Variants in HMGCLL1 observed in about 807,000 individuals in gnomAD.
The protein encoded by HMGCLL1 is 3-hydroxymethyl-3-methylglutaryl-CoA lyase, cytoplasmic.
HMGCLL1 carries 36 observed loss-of-function variants against 39.1 expected under a neutral mutation model. That is an observed-to-expected ratio of 0.92 (90% confidence interval 0.71 to 1.22). HMGCLL1 has a LOEUF of 1.22. Ranked by LOEUF, HMGCLL1 falls within the 50% of genes most tolerant of loss-of-function variation. The pLI is 0.00. For missense variants in HMGCLL1, 451 were observed against 416.5 expected (o/e 1.08, Z -0.72); for synonymous variants, 149 against 144.0 (o/e 1.03, Z -0.25).
rs539146684 is a variant in HMGCLL1, at chr6:55,485,738, T to C, written c.795+9681A>G. On this transcript the variant is annotated intron_variant, in intron 7 of 8. Transcript: ENST00000274901. ...AAACAAATGCAAATAGAAATTAAAATGGCATATCAAATGCAAATCGAGTTG... is the reference window on the plus strand; with the variant it reads ...AAACAAATGCAAATAGAAATTAAAACGGCATATCAAATGCAAATCGAGTTG... Among the ~76,000 whole-genome samples the C allele has an allele frequency of 2.2e-4, 33 of 152,022 alleles. 1 individual carries two copies. The highest frequency in any genetic ancestry group is 7.2e-4 in the African/African-American group (30 of 41,522).
At chr6:55,502,190 T>C (rs546940752) in intron 5 of HMGCLL1, among the ~76,000 whole-genome samples, 71 of 151,926 alleles carry the variant, frequency 4.7e-4, no homozygotes, top group African/African-American at 1.5e-3. Flanking sequence ...TTGACAGTTA[T>C]CTTGGCATAT....
At chr6:55,594,703 G>T in the HMGCLL1 span, among the ~76,000 whole-genome samples, 1 of 152,180 alleles carries the variant, frequency 6.6e-6, no homozygotes, top group Non-Finnish European at 1.5e-5. Context: ...GTATTGGGTA[G>T]TGGTGGTGGG....
upstream of HMGCLL1, among the ~76,000 whole-genome samples, chr6:55,580,436 G>C (rs1259995458): frequency 4.3e-5 from 2 of 45,994 alleles, no homozygotes; most frequent in Non-Finnish European, 9.9e-5. Context: ...TTTTTTTTGA[G>C]ACGGAGTCTC....
At chr6:55,475,726 C>A (rs1006006529) in intron 7 of HMGCLL1, among the ~76,000 whole-genome samples, 8 of 151,554 alleles carry the variant, frequency 5.3e-5, no homozygotes, top group Admixed American at 2.0e-4. Context: ...TCTCTCTAGG[C>A]AAAATATTAC....
rs561895118 is a variant in HMGCLL1 at position 55,464,676 on chromosome 6, A to G, written c.796-25117T>C. ...AATTCCTACCAGTTTAAGAGATTTGACACTCAGAGCCCAGGCCTTCCCCTA... is the reference window on the plus strand; with the variant it reads ...AATTCCTACCAGTTTAAGAGATTTGGCACTCAGAGCCCAGGCCTTCCCCTA... On this transcript the variant is annotated intron_variant, in intron 7 of 8. Transcript: ENST00000274901. Among the ~76,000 whole-genome samples, 12 of 152,242 alleles carry G rather than the reference A, an allele frequency of 7.9e-5. No homozygotes were observed. In the East Asian group the frequency reaches 2.3e-3, roughly 29 times the overall value.
chr6:55,557,117 T>A (rs1770716611), intron 1 of HMGCLL1, among the ~76,000 whole-genome samples: 1 of 152,186 alleles, frequency 6.6e-6, no homozygotes, highest in Non-Finnish European at 1.5e-5. Context: ...TATTTTGCTC[T>A]CTCCATTTTA....
At chr6:55,623,292 G>T in the HMGCLL1 span, among the ~76,000 whole-genome samples, 60 of 151,096 alleles carry the variant, frequency 4.0e-4, no homozygotes, top group African/African-American at 1.4e-3. Flanking sequence ...TCTAATTTGG[G>T]GTTTGATTTG....
At position 55,461,286 on chromosome 6, in the gene HMGCLL1, C is replaced by T. The variant is rs1489943842; in HGVS notation, c.796-21727G>A. Among the ~76,000 whole-genome samples the T allele has an allele frequency of 3.9e-5, 6 of 151,914 alleles. No homozygotes were observed. In the South Asian group the frequency reaches 1.0e-3, roughly 26 times the overall value. ...GAAATATGTGGAACCCATTCCTTAG[C>T]TTTCTGAAATCTCCAACTGGGAGAA... On this transcript the variant is annotated intron_variant, in intron 7 of 8. Coordinates refer to ENST00000274901, the MANE Select transcript of HMGCLL1 (RefSeq NM_001042406.2).
intron 7 of HMGCLL1, among the ~76,000 whole-genome samples, chr6:55,469,102 A>C (rs1764916861): frequency 6.6e-6 from 1 of 151,590 alleles, no homozygotes; most frequent in African/African-American, 2.4e-5. Context: ...AAATTAGAAC[A>C]AATATTAATG....
At chr6:55,591,535 A>T in the HMGCLL1 span, among the ~76,000 whole-genome samples, 1 of 151,976 alleles carries the variant, frequency 6.6e-6, no homozygotes, top group East Asian at 1.9e-4. Flanking sequence ...ATAGGAATTA[A>T]GATTTTTGAG....
chr6:55,483,310 G>A (rs1338325075), intron 7 of HMGCLL1, among the ~76,000 whole-genome samples: 1 of 152,132 alleles, frequency 6.6e-6, no homozygotes, highest in Non-Finnish European at 1.5e-5. Context: ...TCTGTCATCA[G>A]GCTGGAGTGC....
chr6:55,508,989 C>G (rs9475332), intron 5 of HMGCLL1, among the ~76,000 whole-genome samples: 21,700 of 151,788 alleles, frequency 0.14, 1,799 homozygotes, highest in African/African-American at 0.24. Context: ...TTAGACACAA[C>G]TGCACAAACC....
the HMGCLL1 span, among the ~76,000 whole-genome samples, chr6:55,594,430 A>C: frequency 1.3e-5 from 2 of 152,140 alleles, no homozygotes; most frequent in Admixed American, 1.3e-4. Flanking sequence ...AAATGAGCCA[A>C]GGTGAGTTAA....
the HMGCLL1 span, among the ~76,000 whole-genome samples, chr6:55,638,407 C>CAAAAAAAAAAAAAAAAAGAA: frequency 7.5e-6 from 1 of 132,772 alleles, no homozygotes; most frequent in African/African-American, 2.8e-5. Context: ...AACTCAGTCT[C>CAAAAAAAAAAAAAAAAAGAA]AAAAAAAAAA....
rs758293303 is a variant in HMGCLL1, at chr6:55,439,535, C to G, written c.820G>C (p.Ala274Pro). The G allele has an allele frequency of 6.2e-7, 1 of 1,612,636 alleles. No homozygotes were observed. Among genetic ancestry groups the G allele is most frequent in the African/African-American group, 1.3e-5 (1 of 74,854 alleles). The change falls in exon 8 of 9, where the codon GCA becomes CCA. Residue 274 changes from alanine to proline, a missense_variant. Ala to Pro is a conservative substitution (Grantham distance 27, BLOSUM62 -1). Coordinates refer to ENST00000274901, the MANE Select transcript of HMGCLL1 (RefSeq NM_001042406.2). Reference protein sequence around the residue: ...LQMGINVVDSAVSGLGGCPYA... With the variant: ...LQMGINVVDSPVSGLGGCPYA... ...GGGCAGCCACCTAATCCGGATACTG[C>G]GGAGTCCACCACATTAATTCCCATC... is the stretch of plus-strand genomic sequence containing the variant.
intron 1 of HMGCLL1, 83 bp downstream of exon 1, chr6:55,578,864 GA>G (rs1470216888): frequency 1.0e-6 from 1 of 958,388 alleles, no homozygotes; most frequent in East Asian, 2.6e-5. Flanking sequence ...ATAAAGGGAG[GA>G]GGGCACCAAG....
At chr6:55,589,598 G>C in the HMGCLL1 span, among the ~76,000 whole-genome samples, 3 of 152,170 alleles carry the variant, frequency 2.0e-5, no homozygotes, top group Non-Finnish European at 2.9e-5. Flanking sequence ...ATTAGGAAAA[G>C]AGGAAGTCAA....
chr6:55,507,655 T>G (rs764167218), intron 5 of HMGCLL1, among the ~76,000 whole-genome samples: 35 of 151,938 alleles, frequency 2.3e-4, no homozygotes, highest in Non-Finnish European at 4.1e-4. Context: ...ATGTCCTGGC[T>G]TTTGACTCTG....
At chr6:55,558,633 A>T (rs930006972) in intron 1 of HMGCLL1, among the ~76,000 whole-genome samples, 4 of 152,146 alleles carry the variant, frequency 2.6e-5, no homozygotes, top group Admixed American at 6.5e-5. Context: ...ATGATGACCA[A>T]TAACAATCAC....
Sources: allele counts gnomAD v4.1 joint callset (sites outside exome capture counted in the v4.1 genomes callset), GRCh38; gene constraint gnomAD v4.1.1; transcripts MANE v1.5; gene names NCBI Gene and HGNC (gene_info 2026-07-23, HGNC 2026-07-21).